Variants in NALF1 observed in about 807,000 individuals in gnomAD.
NALF1 encodes the protein family with sequence similarity 155 member A.
NALF1 carries 3 observed loss-of-function variants against 48.4 expected under a neutral mutation model. That is an observed-to-expected ratio of 0.06 (90% CI 0.03 to 0.16). NALF1 has a LOEUF of 0.16. Ranked by LOEUF, NALF1 falls within the 10% of genes least tolerant of loss-of-function variation. The pLI is 1.00. For synonymous variants in NALF1, 262 were observed against 245.7 expected, an observed-to-expected ratio of 1.07 and a Z score of -0.62; for missense variants, 526 against 571.5, an observed-to-expected ratio of 0.92 and a Z score of 0.81.
chr13:107,545,281 C>A (rs557690064), intron 1 of NALF1, among the ~76,000 whole-genome samples: 1 of 152,196 alleles, frequency 6.6e-6, no homozygotes, highest in Non-Finnish European at 1.5e-5. Context: ...AATGCACCCA[C>A]AAGCCAAGGA....
At chr13:107,799,182 C>A (rs981553320) in intron 1 of NALF1, among the ~76,000 whole-genome samples, 1 of 152,096 alleles carries the variant, frequency 6.6e-6, no homozygotes, top group Non-Finnish European at 1.5e-5. Flanking sequence ...ATGAGTGTGG[C>A]GTCAGACATT....
chr13:107,558,746 C>G (rs1227721685), intron 1 of NALF1, among the ~76,000 whole-genome samples: 1 of 152,168 alleles, frequency 6.6e-6, no homozygotes, highest in African/African-American at 2.4e-5. Context: ...GCATTTTACT[C>G]TGTAGACTGA....
intron 1 of NALF1, among the ~76,000 whole-genome samples, chr13:107,491,506 T>C (rs1275134700): frequency 6.6e-6 from 1 of 152,222 alleles, no homozygotes; most frequent in Non-Finnish European, 1.5e-5. Flanking sequence ...AGAGCATCCC[T>C]GATCCAGCTC....
Position 107,866,638 on chromosome 13 carries a change from C to G in NALF1, c.-42G>C, listed in dbSNP as rs1880740041. On this transcript the variant is annotated 5_prime_UTR_variant, in exon 1 of 3. Coordinates refer to ENST00000375915, the MANE Select transcript of NALF1 (RefSeq NM_001080396.3). This position sits in a 1 kb window ranked among gnomAD's most constrained non-coding sequence, Gnocchi z 4.4. ...GCCCTGGCCGACTCCACCGTGAGGG[C>G]GCCTGTGCCGGTGTCACCACAATAT... 6.5e-7 allele frequency: 1 copy of G among 1,540,066 alleles called. No individual in the cohort carries two copies. The highest frequency in any genetic ancestry group is 1.4e-5 in the African/African-American group (1 of 72,794).
chr13:107,565,022 G>A (rs1193969107), intron 1 of NALF1, among the ~76,000 whole-genome samples: 1 of 124,344 alleles, frequency 8.0e-6, no homozygotes, highest in Non-Finnish European at 1.6e-5. Flanking sequence ...AAACAAAGCT[G>A]CTGTATAAAC....
At chr13:107,699,760 G>A (rs1881778088) in intron 1 of NALF1, among the ~76,000 whole-genome samples, 1 of 152,002 alleles carries the variant, frequency 6.6e-6, no homozygotes, top group South Asian at 2.1e-4. Context: ...AATTCCATAT[G>A]TAGAAAACCC....
intron 1 of NALF1, among the ~76,000 whole-genome samples, chr13:107,527,952 T>C (rs1163805866): frequency 1.3e-5 from 2 of 152,158 alleles, no homozygotes; most frequent in African/African-American, 4.8e-5. Context: ...CTGAATTTTC[T>C]TATTTAAAAA....
At chr13:107,794,055 T>G (rs1280668173) in intron 1 of NALF1, among the ~76,000 whole-genome samples, 1 of 152,202 alleles carries the variant, frequency 6.6e-6, no homozygotes, top group Non-Finnish European at 1.5e-5. Flanking sequence ...AGAATTTCAC[T>G]GTTTTAAAAT....
chr13:107,472,143 A>G (rs1288659820), intron 1 of NALF1, among the ~76,000 whole-genome samples: 1 of 152,156 alleles, frequency 6.6e-6, no homozygotes, highest in Non-Finnish European at 1.5e-5. Flanking sequence ...AGCCTGACTA[A>G]CATGGTGAAA....
chr13:107,575,160 A>G (rs1036428326), intron 1 of NALF1, among the ~76,000 whole-genome samples: 1 of 151,978 alleles, frequency 6.6e-6, no homozygotes, highest in African/African-American at 2.4e-5. Context: ...ACACAGACTT[A>G]GATAAATGGG....
intron 1 of NALF1, among the ~76,000 whole-genome samples, chr13:107,666,149 C>A (rs959873325): frequency 1.3e-5 from 2 of 152,092 alleles, no homozygotes; most frequent in East Asian, 3.9e-4. Context: ...TGAAGTTTTT[C>A]TGGGCATTTT....
intron 1 of NALF1, among the ~76,000 whole-genome samples, chr13:107,730,710 C>T (rs1278318712): frequency 1.3e-5 from 2 of 152,122 alleles, no homozygotes; most frequent in African/African-American, 2.4e-5. Flanking sequence ...TTGGGGGAAC[C>T]TGTTATGACT....
intron 1 of NALF1, among the ~76,000 whole-genome samples, chr13:107,299,853 T>C (rs994746444): frequency 3.3e-5 from 5 of 152,210 alleles, no homozygotes; most frequent in African/African-American, 4.8e-5. Context: ...CATCTGGCTT[T>C]CTTTGGACAC....
chr13:107,662,051 G>A (rs913359889), intron 1 of NALF1, among the ~76,000 whole-genome samples: 25 of 152,168 alleles, frequency 1.6e-4, no homozygotes, highest in African/African-American at 5.8e-4. Context: ...AAAGAAGTCA[G>A]GGTTGGAGGA....
chr13:107,197,198 C>G (rs1879409796), intron 2 of NALF1, among the ~76,000 whole-genome samples: 1 of 152,150 alleles, frequency 6.6e-6, no homozygotes, highest in South Asian at 2.1e-4. Flanking sequence ...CTTGGACCTC[C>G]CAGCCTCCAA....
intron 1 of NALF1, among the ~76,000 whole-genome samples, chr13:107,262,769 G>GCGCGCGCTCTCTCT (rs36027059): frequency 0.011 from 1,535 of 144,078 alleles, 57 homozygotes; most frequent in Admixed American, 0.067. Flanking sequence ...ACCCACAGGC[G>GCGCGCGCTCTCTCT]CTCTCTCTCT....
chr13:107,843,677 C>G (rs1880099034), intron 1 of NALF1, among the ~76,000 whole-genome samples: 1 of 152,046 alleles, frequency 6.6e-6, no homozygotes, highest in Non-Finnish European at 1.5e-5. Flanking sequence ...CAGATACACC[C>G]TAAAACTTCT....
intron 1 of NALF1, among the ~76,000 whole-genome samples, chr13:107,269,979 C>G (rs937073806): frequency 7.7e-6 from 1 of 130,242 alleles, no homozygotes; most frequent in Non-Finnish European, 1.5e-5. Flanking sequence ...TCCGTGTTAG[C>G]CAGGATGGTC....
chr13:107,172,925 A>G (rs1878835836), intron 2 of NALF1, among the ~76,000 whole-genome samples: 1 of 152,174 alleles, frequency 6.6e-6, no homozygotes, highest in African/African-American at 2.4e-5. Context: ...AGGCCAATAA[A>G]TGAACCCTTC....
Sources: gnomAD v4.1 joint callset for allele counts (sites outside exome capture counted in the v4.1 genomes callset) on GRCh38, gnomAD v4.1.1 for gene constraint, Gnocchi (gnomAD v3.1) non-coding constraint, MANE v1.5 for transcripts, NCBI Gene and HGNC (gene_info 2026-07-23, HGNC 2026-07-21) for gene names.